The following STK32A variants were observed in gnomAD, a reference collection of about 807,000 sequenced individuals.
The protein encoded by STK32A is serine/threonine-protein kinase 32A.
STK32A carries 41 observed loss-of-function variants against 53.2 expected under a neutral mutation model. That is an observed-to-expected ratio of 0.77 (90% CI 0.60 to 1.00). The LOEUF is 1.00. STK32A is among the 50% of genes least tolerant of loss of function. The pLI, the probability that STK32A is intolerant of heterozygous loss-of-function variation, is 0.00. For synonymous variants in STK32A, 166 were observed against 162.8 expected, an observed-to-expected ratio of 1.02 and a Z score of -0.15; for missense variants, 458 against 485.8, an observed-to-expected ratio of 0.94 and a Z score of 0.54.
chr5:147,283,760 T>C (rs1196478406), intron 4 of STK32A, among the ~76,000 whole-genome samples: 1 of 152,034 alleles, frequency 6.6e-6, no homozygotes, highest in East Asian at 1.9e-4. Flanking sequence ...TTAAATACCC[T>C]GAACAGATCA....
intron 2 of STK32A, among the ~76,000 whole-genome samples, chr5:147,260,987 T>G (rs1221849841): frequency 1.3e-5 from 2 of 152,220 alleles, no homozygotes; most frequent in African/African-American, 4.8e-5. Context: ...CGCAGAGTCG[T>G]TGCCGCAGTA....
intron 2 of STK32A, among the ~76,000 whole-genome samples, chr5:147,275,629 T>C (rs1170722773): frequency 1.3e-5 from 2 of 152,178 alleles, no homozygotes; most frequent in Non-Finnish European, 2.9e-5. Context: ...CAGCCTCTTA[T>C]AGTCACTTTT....
intron 4 of STK32A, among the ~76,000 whole-genome samples, chr5:147,302,646 G>T (rs1288368074): frequency 2.0e-5 from 3 of 152,076 alleles, no homozygotes; most frequent in Non-Finnish European, 4.4e-5. Flanking sequence ...AAAGATCAGT[G>T]ATTGGAAAGG....
chr5:147,383,045 T>G, intron 11 of STK32A: 1 of 205,920 alleles, frequency 4.9e-6, no homozygotes, highest in South Asian at 8.8e-5. Context: ...CTCCGGAACA[T>G]GTGTGTGCTC....
chr5:147,265,305 T>C (rs1489542895), intron 2 of STK32A, among the ~76,000 whole-genome samples: 1 of 152,020 alleles, frequency 6.6e-6, no homozygotes, highest in Non-Finnish European at 1.5e-5. Flanking sequence ...AAGCATTCAA[T>C]CTTCGTTAAA....
At chr5:147,373,325 C>T (rs1358972218) in intron 10 of STK32A, 31 bp downstream of exon 10, 3 of 1,611,334 alleles carry the variant, frequency 1.9e-6, no homozygotes, top group Middle Eastern at 1.6e-4. Flanking sequence ...CCAAATAACT[C>T]CCATTCAGTG....
chr5:147,349,599 A>G (rs1460446381), intron 6 of STK32A, among the ~76,000 whole-genome samples: 1 of 152,132 alleles, frequency 6.6e-6, no homozygotes, highest in Non-Finnish European at 1.5e-5. Context: ...GTTCCCTGCC[A>G]CGTATAAGTA....
rs1754529225 is a variant in STK32A at position 147,260,793 on chromosome 5, C to T, written c.53-17331C>T. On this transcript the variant is annotated intron_variant, in intron 2 of 12. Transcript: ENST00000397936. ...ATACGCCCTAAGCCATATGAGGCAG[C>T]TAGGGAACCGCAGAGAGGACCCACT... 2.0e-5 allele frequency among the ~76,000 whole-genome samples: 3 copies of T among 152,292 alleles called. No homozygotes were observed. In the South Asian group the frequency reaches 6.2e-4, roughly 32 times the overall value.
At chr5:147,238,440 A>C (rs1398955608) in intron 1 of STK32A, among the ~76,000 whole-genome samples, 2 of 152,190 alleles carry the variant, frequency 1.3e-5, no homozygotes, top group African/African-American at 4.8e-5. Flanking sequence ...AACTGGGCCA[A>C]AGGCATTATC....
Position 147,383,944 on chromosome 5 carries a change from A to C in STK32A, c.1152A>C (p.Lys384Asn), listed in dbSNP as rs1354024255. The C allele has an allele frequency of 4.3e-6, 7 of 1,610,144 alleles. No individual in the cohort carries two copies. The highest frequency in any genetic ancestry group is 1.6e-4 in the Middle Eastern group (1 of 6,072). ...CAAATCTAGCCTTGGAACAAACCAA[A>C]GACCCACAAGGTGAGGATGGTCAGA... ...RQPNLALEQT[K>N]DPQGEDGQNN... Residue 384 changes from lysine (K) to asparagine (N), a missense_variant, in exon 13 of 13, where the codon AAA becomes AAC. Lys to Asn is a moderately conservative substitution (Grantham distance 94, BLOSUM62 0). Transcript: ENST00000397936.
intron 4 of STK32A, among the ~76,000 whole-genome samples, chr5:147,281,711 C>T (rs1030188465): frequency 1.3e-4 from 20 of 152,126 alleles, no homozygotes; most frequent in African/African-American, 3.6e-4. Context: ...AAAACTTCCC[C>T]GGCCTTGCTA....
chr5:147,303,096 A>T (rs1475643279), intron 4 of STK32A, among the ~76,000 whole-genome samples: 1 of 152,180 alleles, frequency 6.6e-6, no homozygotes, highest in Non-Finnish European at 1.5e-5. Flanking sequence ...ATACATACAC[A>T]TTTACACACA....
intron 2 of STK32A, among the ~76,000 whole-genome samples, chr5:147,271,347 T>A (rs1408300113): frequency 6.6e-6 from 1 of 152,146 alleles, no homozygotes; most frequent in African/African-American, 2.4e-5. Flanking sequence ...AATCCTGTCA[T>A]CTCGTAAGCT....
chr5:147,308,590 C>T (rs193074991), intron 4 of STK32A, among the ~76,000 whole-genome samples: 322 of 152,206 alleles, frequency 2.1e-3, no homozygotes, highest in South Asian at 4.6e-3. Flanking sequence ...TGATAATGGA[C>T]ATCTTTGTCT....
At chr5:147,270,070 G>T (rs13163710) in intron 2 of STK32A, among the ~76,000 whole-genome samples, 1 of 151,624 alleles carries the variant, frequency 6.6e-6, no homozygotes, top group Non-Finnish European at 1.5e-5. Context: ...GCAAAAATGT[G>T]TGTCAAAAGC....
intron 4 of STK32A, among the ~76,000 whole-genome samples, chr5:147,314,903 C>T (rs972967651): frequency 2.0e-5 from 3 of 151,958 alleles, no homozygotes; most frequent in African/African-American, 4.8e-5. Context: ...TGCCACCGCA[C>T]CAGACAATTT....
intron 7 of STK32A, among the ~76,000 whole-genome samples, chr5:147,356,503 A>G (rs192885192): frequency 6.6e-6 from 1 of 152,176 alleles, no homozygotes; most frequent in Non-Finnish European, 1.5e-5. Flanking sequence ...GGAGACAGTC[A>G]TAGGGGTCTG....
At chr5:147,280,143 C>T (rs1371852346) in intron 4 of STK32A, among the ~76,000 whole-genome samples, 1 of 152,092 alleles carries the variant, frequency 6.6e-6, no homozygotes, top group Admixed American at 6.5e-5. Flanking sequence ...CCATTCCTGC[C>T]TGGCACCACA....
intron 2 of STK32A, among the ~76,000 whole-genome samples, chr5:147,275,918 A>G (rs1010966): frequency 0.66 from 99,675 of 151,970 alleles, 33,082 homozygotes; most frequent in African/African-American, 0.75. Context: ...GGTGGTTCAC[A>G]AAATGGATTA....
Sources: allele counts gnomAD v4.1 joint callset (sites outside exome capture counted in the v4.1 genomes callset), GRCh38; gene constraint gnomAD v4.1.1; transcripts MANE v1.5; gene names NCBI Gene and HGNC (gene_info 2026-07-23, HGNC 2026-07-21).